OPRM1: variants seen among roughly 807,000 people sequenced by gnomAD.
The protein encoded by OPRM1 is mu-type opioid receptor.
OPRM1 carries 27 observed loss-of-function variants against 31.8 expected under a neutral mutation model. The observed-to-expected ratio is 0.85, with a 90% CI of 0.63 to 1.17. The LOEUF (loss-of-function observed/expected upper bound fraction) is 1.17, where lower values mean the gene tolerates loss of function less well. Among genes scored for constraint, OPRM1 ranks in the 50% most tolerant of loss-of-function variants. The pLI, the probability that OPRM1 is intolerant of heterozygous loss-of-function variation, is 0.00. For missense variants in OPRM1, 536 were observed against 511.1 expected (o/e 1.05, Z -0.47); for synonymous variants, 196 against 189.9 (o/e 1.03, Z -0.26).
At chr6:154,158,819 A>G (rs1016950795) in intron 3 of OPRM1, 17 of 152,254 alleles carry the variant, frequency 1.1e-4, no homozygotes, top group African/African-American at 4.1e-4. Context: ...AATAACAAAC[A>G]TAGCTATTCA....
At chr6:154,161,465 A>G (rs750952012) in intron 3 of OPRM1, among the ~76,000 whole-genome samples, 9 of 152,108 alleles carry the variant, frequency 5.9e-5, no homozygotes, top group Non-Finnish European at 1.3e-4. Flanking sequence ...CACCCACCTC[A>G]GCCTCCCAAA....
intron 1 of OPRM1, among the ~76,000 whole-genome samples, chr6:154,084,931 C>T (rs1384971860): frequency 6.7e-6 from 1 of 150,168 alleles, no homozygotes; most frequent in African/African-American, 2.5e-5. Context: ...CACACACACA[C>T]ACACACACAC....
At chr6:154,019,728 CT>C (rs1554254091) in intron 1 of OPRM1, among the ~76,000 whole-genome samples, 1 of 144,334 alleles carries the variant, frequency 6.9e-6, no homozygotes, top group Non-Finnish European at 1.5e-5. Flanking sequence ...AGCTTAGTGG[CT>C]TTCTTTTCTT....
chr6:154,185,640 C>T (rs1801273333), intron 3 of OPRM1, among the ~76,000 whole-genome samples: 1 of 152,126 alleles, frequency 6.6e-6, no homozygotes, highest in Non-Finnish European at 1.5e-5. Flanking sequence ...ATTATGATTA[C>T]CTCAATTCCT....
chr6:154,216,641 A>G (rs790257), intron 3 of OPRM1, among the ~76,000 whole-genome samples: 91,670 of 151,968 alleles, frequency 0.6, 28,265 homozygotes, highest in South Asian at 0.76. Context: ...AGGCCAAGGC[A>G]GGTGGATCAT....
chr6:154,054,230 A>G (rs1782757050), intron 1 of OPRM1, among the ~76,000 whole-genome samples: 1 of 152,012 alleles, frequency 6.6e-6, no homozygotes, highest in Non-Finnish European at 1.5e-5. Context: ...TTAGCCGGGC[A>G]TGGCGGCATG....
At chr6:154,159,227 A>C (rs1044012353) in intron 3 of OPRM1, 1 of 153,838 alleles carries the variant, frequency 6.5e-6, no homozygotes, top group Non-Finnish European at 1.4e-5. Flanking sequence ...TGGAATATGG[A>C]ACACGCCTCC....
At chr6:154,093,449 A>T in intron 3 of OPRM1, 1 of 1,613,990 alleles carries the variant, frequency 6.2e-7, no homozygotes, top group Non-Finnish European at 8.5e-7. Flanking sequence ...TGAGTTAAGC[A>T]TGATTATTCT....
At chr6:154,241,591 G>A (rs1383665929) in intron 3 of OPRM1, among the ~76,000 whole-genome samples, 3 of 151,854 alleles carry the variant, frequency 2.0e-5, no homozygotes, top group Non-Finnish European at 2.9e-5. Context: ...ATATCCAAGC[G>A]TTCTTCATAC....
At chr6:154,109,867 G>A (rs1796158679) in intron 3 of OPRM1, among the ~76,000 whole-genome samples, 1 of 148,968 alleles carries the variant, frequency 6.7e-6, no homozygotes, top group East Asian at 2.0e-4. Flanking sequence ...CTAAGCCAAA[G>A]TTCAGTTCTC....
intron 1 of OPRM1, among the ~76,000 whole-genome samples, chr6:154,088,461 C>G (rs779332949): frequency 6.6e-6 from 1 of 152,168 alleles, no homozygotes; most frequent in Non-Finnish European, 1.5e-5. Context: ...ATAACTTAGG[C>G]TTTGCATGTC....
chr6:154,203,169 C>T (rs985633715), intron 3 of OPRM1, among the ~76,000 whole-genome samples: 4 of 152,262 alleles, frequency 2.6e-5, no homozygotes, highest in South Asian at 4.2e-4. Flanking sequence ...TCATAAAGCT[C>T]CCCACTGAAG....
At chr6:154,100,298 TC>T in intron 3 of OPRM1, among the ~76,000 whole-genome samples, 1 of 146,316 alleles carries the variant, frequency 6.8e-6, no homozygotes, top group South Asian at 2.1e-4. Context: ...ATAATATATA[TC>T]AAAAAGTCAC....
At chr6:154,060,807 A>G (rs985098978) in intron 1 of OPRM1, among the ~76,000 whole-genome samples, 2 of 152,230 alleles carry the variant, frequency 1.3e-5, no homozygotes, top group Non-Finnish European at 2.9e-5. Context: ...TGTGTCATTA[A>G]GAAATCCAGA....
At chr6:154,086,510 T>G in intron 1 of OPRM1, 1 of 876,926 alleles carries the variant, frequency 1.1e-6, no homozygotes, top group Non-Finnish European at 1.4e-6. Flanking sequence ...GTGGAATGGC[T>G]AGCATGCTAA....
chr6:154,180,386 C>CTATATATATATA (rs58975780), intron 3 of OPRM1, among the ~76,000 whole-genome samples: 10 of 88,318 alleles, frequency 1.1e-4, no homozygotes, highest in South Asian at 3.9e-4. Context: ...ACAACAACAA[C>CTATATATATATA]TATATATATA....
chr6:154,113,955 G>C (rs995327434), intron 3 of OPRM1, among the ~76,000 whole-genome samples: 1 of 152,152 alleles, frequency 6.6e-6, no homozygotes, highest in African/African-American at 2.4e-5. Context: ...GAAGCAGTGA[G>C]TCCAGGATGC....
intron 3 of OPRM1, chr6:154,221,315 T>C (rs140211508): frequency 3.7e-6 from 6 of 1,613,768 alleles, no homozygotes; most frequent in Non-Finnish European, 4.2e-6. Flanking sequence ...TGTGGATGGC[T>C]GATCTTAAAA....
chr6:154,204,520 T>C (rs368247268), intron 3 of OPRM1, among the ~76,000 whole-genome samples: 3 of 152,322 alleles, frequency 2.0e-5, no homozygotes, highest in Middle Eastern at 3.4e-3. Flanking sequence ...TTCTCCTATA[T>C]GCCAGGAGAA....
Sources: allele counts gnomAD v4.1 joint callset (sites outside exome capture counted in the v4.1 genomes callset), GRCh38; gene constraint gnomAD v4.1.1; transcripts MANE v1.5; gene names NCBI Gene and HGNC (gene_info 2026-07-23, HGNC 2026-07-21).